Variants in NPTN observed in about 807,000 individuals in gnomAD.
NPTN encodes the protein neuroplastin, also known as SDR-1.
In NPTN, 5 loss-of-function variants were observed where a neutral mutation model predicts 42.7. The observed-to-expected ratio is 0.12, with a 90% confidence interval of 0.06 to 0.25. The LOEUF is 0.25. NPTN is among the 10% of genes least tolerant of loss of function. The probability of loss-of-function intolerance (pLI) is 1.00; values close to 1 mark genes in which losing one functional copy is unlikely to be tolerated. For missense variants in NPTN, 307 were observed against 525.4 expected, an observed-to-expected ratio of 0.58 and a Z score of 4.06; for synonymous variants, 180 against 201.9, an observed-to-expected ratio of 0.89 and a Z score of 0.92.
At chr15:73,622,126 G>A (rs976282294) in intron 1 of NPTN, among the ~76,000 whole-genome samples, 3 of 152,198 alleles carry the variant, frequency 2.0e-5, no homozygotes, top group South Asian at 2.1e-4. Flanking sequence ...ACTCCAGCCT[G>A]GGTGACAGAG....
chr15:73,594,860 T>TA (rs1382514464), intron 2 of NPTN, among the ~76,000 whole-genome samples: 1 of 151,898 alleles, frequency 6.6e-6, no homozygotes, highest in East Asian at 1.9e-4. Flanking sequence ...AGGTCATTCT[T>TA]AGATAGAACA....
At chr15:73,628,050 T>C (rs1266300245) in intron 1 of NPTN, among the ~76,000 whole-genome samples, 1 of 152,154 alleles carries the variant, frequency 6.6e-6, no homozygotes, top group Non-Finnish European at 1.5e-5. Context: ...TACAAATGCA[T>C]TATCTAAGGT....
rs557991015 is a variant in NPTN at position 73,606,773 on chromosome 15, A to C, written c.92-9404T>G. On this transcript the variant is annotated intron_variant, in intron 1 of 8. Transcript: ENST00000345330. ...ATTAAAGCCAAAATGAAAACAATAT[A>C]CTAGAAAGCTTTAATACTTCAATTC... Among the ~76,000 whole-genome samples the C allele has an allele frequency of 7.2e-5, 11 of 152,304 alleles. No individual in the cohort carries two copies. The South Asian group carries it at 1.9e-3, about 26-fold the overall frequency.
intron 1 of NPTN, among the ~76,000 whole-genome samples, chr15:73,612,198 C>T (rs1194110557): frequency 1.3e-5 from 2 of 151,968 alleles, no homozygotes; most frequent in Non-Finnish European, 2.9e-5. Context: ...GCAGGAGGAT[C>T]GCTTGAGCCC....
intron 5 of NPTN, among the ~76,000 whole-genome samples, chr15:73,571,947 G>A (rs1022349436): frequency 6.6e-6 from 1 of 152,112 alleles, no homozygotes; most frequent in African/African-American, 2.4e-5. Flanking sequence ...AACCTGCTTT[G>A]GCAAAAGCTC....
chr15:73,568,115 A>AAG (rs1245667994), intron 6 of NPTN: 1 of 985,360 alleles, frequency 1.0e-6, no homozygotes, highest in Non-Finnish European at 1.2e-6. Flanking sequence ...CTTACAAAAA[A>AAG]AGAGCTGCTT....
chr15:73,599,263 G>A (rs1307910101), intron 1 of NPTN, among the ~76,000 whole-genome samples: 2 of 151,996 alleles, frequency 1.3e-5, no homozygotes, highest in Admixed American at 1.3e-4. Context: ...GCCATGTCTC[G>A]GTCTCACAAA....
chr15:73,563,602 C>T, intron 6 of NPTN: 1 of 1,075,426 alleles, frequency 9.3e-7, no homozygotes, highest in Non-Finnish European at 1.1e-6. Context: ...GATGAGAAGA[C>T]AAACCAACAT....
chr15:73,563,033 C>T (rs888385822), intron 7 of NPTN, among the ~76,000 whole-genome samples: 13 of 152,072 alleles, frequency 8.5e-5, no homozygotes, highest in African/African-American at 3.1e-4. Flanking sequence ...TTTGTATGGC[C>T]ACTGGAAAAC....
chr15:73,584,327 A>G (rs1228714049), intron 4 of NPTN, among the ~76,000 whole-genome samples: 1 of 152,048 alleles, frequency 6.6e-6, no homozygotes, highest in Admixed American at 6.6e-5. Flanking sequence ...CATGAGAGCA[A>G]TTTTTTTCTT....
At chr15:73,566,191 T>C (rs897202144) in intron 6 of NPTN, among the ~76,000 whole-genome samples, 1 of 152,228 alleles carries the variant, frequency 6.6e-6, no homozygotes, top group African/African-American at 2.4e-5. Flanking sequence ...CGAATGCATG[T>C]TTTAGGTGTC....
chr15:73,633,104 C>G (rs1212890077), intron 1 of NPTN, 21 bp downstream of exon 1: 1 of 1,432,126 alleles, frequency 7.0e-7, no homozygotes, highest in Non-Finnish European at 9.1e-7. Flanking sequence ...CCGCCCGGCC[C>G]GCCCCCGGCG....
intron 4 of NPTN, among the ~76,000 whole-genome samples, chr15:73,583,443 A>G (rs1484219641): frequency 2.0e-5 from 3 of 152,158 alleles, no homozygotes; most frequent in Non-Finnish European, 4.4e-5. Context: ...AGAGATAATA[A>G]TTGCACTTAT....
At position 73,597,218 on chromosome 15, in the gene NPTN, A is replaced by G. The variant is rs772808554; in HGVS notation, c.243T>C (p.Gly81=). The part of the protein sequence containing the change: ...RAESFRQLWD[G]ARKRRVTVNT... ...TTACGGTGACACGGCGCTTCCGAGC[A>G]CCGTCCCACAGCTGTCTGAAAGACT... is the stretch of plus-strand genomic sequence containing the variant. Residue 81 remains glycine, a synonymous_variant, in exon 2 of 9, where the codon GGT becomes GGC. Coordinates refer to ENST00000345330, the MANE Select transcript of NPTN (RefSeq NM_012428.4). The surrounding 1 kb of genome is among the most constrained non-coding windows in gnomAD (Gnocchi z 6.3). The G allele has an allele frequency of 1.2e-6, 2 of 1,614,004 alleles. No homozygotes were observed. The highest frequency in any genetic ancestry group is 2.7e-5 in the African/African-American group (2 of 74,904).
At chr15:73,585,781 T>G (rs752060362) in intron 4 of NPTN, among the ~76,000 whole-genome samples, 1 of 152,232 alleles carries the variant, frequency 6.6e-6, no homozygotes, top group Non-Finnish European at 1.5e-5. Context: ...CTGCCTCACC[T>G]TCCACACAGG....
At chr15:73,580,119 A>G (rs1382473608) in intron 4 of NPTN, among the ~76,000 whole-genome samples, 1 of 152,112 alleles carries the variant, frequency 6.6e-6, no homozygotes, top group East Asian at 1.9e-4. Flanking sequence ...TGGTAAAGCC[A>G]GAATCCAAGT....
In NPTN at chr15:73,633,275, G is replaced by T; in HGVS notation, c.-60C>A. ...GGGGCCAGAGCCGGGGCCGGGGAAG[G>T]GAGGGGAGGGAGGGAGGGGGCGGGC... On this transcript the variant is annotated 5_prime_UTR_variant, in exon 1 of 9. Coordinates refer to ENST00000345330, the MANE Select transcript of NPTN (RefSeq NM_012428.4). 8.5e-7 allele frequency: 1 copy of T among 1,178,148 alleles called. No homozygotes were observed. The highest frequency in any genetic ancestry group is 1.2e-6 in the Non-Finnish European group (1 of 861,014). 73.0% of individuals were successfully genotyped at this position (1,178,148 alleles called of 1,614,324 possible).
At chr15:73,563,137 T>C (rs1444788418) in intron 7 of NPTN, 99 bp downstream of exon 7, 2 of 868,016 alleles carry the variant, frequency 2.3e-6, no homozygotes, top group East Asian at 2.5e-5. Flanking sequence ...TTCCACTCAC[T>C]GTCTTCCCCT....
chr15:73,567,314 A>C lies in NPTN; in HGVS notation c.1114+2836T>G. 3 of 985,390 alleles carry C rather than the reference A, an allele frequency of 3.0e-6. No homozygotes were observed. In the African/African-American group the frequency reaches 5.2e-5, roughly 17 times the overall value. The allele number at this position is 985,390 out of a possible 1,614,324, so 61.0% of individuals were successfully genotyped here. A position where few individuals can be genotyped will look rare whatever the true frequency, so the allele number is the denominator to read the frequency against. ...CTATTTGGCAAAGTAGAAGTATGGCAGGCCTATAAAAAAATTCCCATTTTC... is the reference window on the plus strand; with the variant it reads ...CTATTTGGCAAAGTAGAAGTATGGCCGGCCTATAAAAAAATTCCCATTTTC... On this transcript the variant is annotated intron_variant, in intron 6 of 8. Coordinates refer to ENST00000345330, the MANE Select transcript of NPTN (RefSeq NM_012428.4).
Sources: gnomAD v4.1 joint callset for allele counts (sites outside exome capture counted in the v4.1 genomes callset) on GRCh38, gnomAD v4.1.1 for gene constraint, Gnocchi (gnomAD v3.1) non-coding constraint, MANE v1.5 for transcripts, NCBI Gene and HGNC (gene_info 2026-07-23, HGNC 2026-07-21) for gene names.